Variants in ZDHHC4 observed in about 807,000 individuals in gnomAD.
ZDHHC4 encodes zDHHC palmitoyltransferase 4.
In ZDHHC4, 42 loss-of-function variants were observed where a neutral mutation model predicts 36.7. The ratio of observed to expected loss-of-function variants is 1.14; its 90% confidence interval spans 0.89 to 1.48. The LOEUF (loss-of-function observed/expected upper bound fraction) is 1.48. Ranked by LOEUF, ZDHHC4 falls within the 40% of genes most tolerant of loss-of-function variation. The pLI, the probability that ZDHHC4 is intolerant of heterozygous loss-of-function variation, is 0.00. For missense variants in ZDHHC4, 457 were observed against 421.5 expected (o/e 1.08, Z -0.74); for synonymous variants, 189 against 166.6 (o/e 1.13, Z -1.03).
intron 2 of ZDHHC4, 50 bp from the exon 3 acceptor site, chr7:6,580,505 G>C (rs779013608): frequency 3.3e-6 from 5 of 1,497,090 alleles, no homozygotes; most frequent in Non-Finnish European, 4.7e-6. Flanking sequence ...GTGTGCCATG[G>C]AAGAAACCTT....
chr7:6,583,479 G>T, intron 6 of ZDHHC4, 48 bp downstream of exon 6: 3 of 1,577,894 alleles, frequency 1.9e-6, no homozygotes, highest in Non-Finnish European at 2.6e-6. Context: ...CAGCACATGT[G>T]TGGGCTTCGT....
intron 7 of ZDHHC4, 31 bp from the exon 8 acceptor site, chr7:6,588,586 G>A (rs1214078630): frequency 1.1e-5 from 18 of 1,606,568 alleles, no homozygotes; most frequent in Admixed American, 1.7e-5. Flanking sequence ...CAGTCCAGCT[G>A]CCTAAAGCAC....
rs991769387 is a variant in ZDHHC4, at chr7:6,578,551, G to C, written c.-162-15G>C. The stretch of plus-strand genomic sequence containing the variant: ...TGTCGTCTTATGTGGGTGTTGAATT[G>C]ATCTGTCTCTGCAGCCAGATCCAGG... On this transcript the variant is annotated splice_polypyrimidine_tract_variant and intron_variant, in intron 1 of 7. Coordinates refer to ENST00000335965, the MANE Select transcript of ZDHHC4 (RefSeq NM_001134389.2). 1.3e-5 allele frequency: 2 copies of C among 152,198 alleles called. No homozygotes were observed. Among genetic ancestry groups the C allele is most frequent in the African/African-American group, 4.8e-5 (2 of 41,444 alleles). 9.4% of individuals were successfully genotyped at this position (152,198 alleles called of 1,614,324 possible).
intron 5 of ZDHHC4, 127 bp downstream of exon 5, chr7:6,582,378 T>G: frequency 2.1e-6 from 2 of 947,502 alleles, no homozygotes; most frequent in Non-Finnish European, 3.1e-6. Context: ...TTCATTACCT[T>G]TCAGTTTTGA....
chr7:6,582,011 A>G lies in ZDHHC4; in HGVS notation c.192-62A>G, dbSNP rs188753412. 5 of 1,533,906 alleles carry G rather than the reference A, an allele frequency of 3.3e-6. No individual in the cohort carries two copies. The African/African-American group carries it at 4.1e-5, about 13-fold the overall frequency. On this transcript the variant is annotated intron_variant, in intron 4 of 7. Transcript: ENST00000335965. Reference sequence around the variant, plus strand: ...TGGTTGGCCGTTGGTTACTTTCTTTAGTATCATACAATTTCTTCAAGAAGA... The same window carrying G: ...TGGTTGGCCGTTGGTTACTTTCTTTGGTATCATACAATTTCTTCAAGAAGA...
rs1318701722 is a variant in ZDHHC4 at position 6,583,399 on chromosome 7, A to G, written c.464A>G (p.Asp155Gly). ...AAGAACGTGAGGTGCTCTACTTGTG[A>G]TTTAAGGAAACCAGCTCGATCCAAG... is the stretch of plus-strand genomic sequence containing the variant. Reference protein sequence around the residue: ...FPKNVRCSTCDLRKPARSKHC... With the variant: ...FPKNVRCSTCGLRKPARSKHC... Residue 155 changes from aspartate to glycine, a missense_variant, in exon 6 of 8, where the codon GAT becomes GGT. Coordinates refer to ENST00000335965, the MANE Select transcript of ZDHHC4 (RefSeq NM_001134389.2). 3.1e-6 allele frequency: 5 copies of G among 1,613,666 alleles called. No individual in the cohort carries two copies. The highest frequency in any genetic ancestry group is 4.2e-6 in the Non-Finnish European group (5 of 1,179,674).
At chr7:6,581,042 G>T (rs939475936) in intron 3 of ZDHHC4, 2 of 274,642 alleles carry the variant, frequency 7.3e-6, no homozygotes, top group Non-Finnish European at 7.0e-6. Context: ...TCTTGCGGTG[G>T]TGCTTTGAGA....
rs578031634 is a variant in ZDHHC4, at chr7:6,583,507, C to T, written c.496+76C>T. 5 of 1,537,688 alleles carry T rather than the reference C, an allele frequency of 3.3e-6. No homozygotes were observed. In the African/African-American group the frequency reaches 5.6e-5, roughly 17 times the overall value. ...GGCTTCGTCTGTGAGGGAATGTTTCCTGAATCCGAAAGCAGAGCCAGTTCA... is the reference window on the plus strand; with the variant it reads ...GGCTTCGTCTGTGAGGGAATGTTTCTTGAATCCGAAAGCAGAGCCAGTTCA... On this transcript the variant is annotated intron_variant, in intron 6 of 7. Coordinates refer to ENST00000335965, the MANE Select transcript of ZDHHC4 (RefSeq NM_001134389.2).
chr7:6,581,809 A>G (rs1250922872), intron 4 of ZDHHC4, 129 bp downstream of exon 4: 2 of 834,992 alleles, frequency 2.4e-6, no homozygotes, highest in Non-Finnish European at 3.7e-6. Context: ...GGAAAGAATC[A>G]CGAGTCCTGA....
At chr7:6,585,549 A>T (rs1781182929) in intron 7 of ZDHHC4, among the ~76,000 whole-genome samples, 1 of 152,196 alleles carries the variant, frequency 6.6e-6, no homozygotes, top group South Asian at 2.1e-4. Context: ...TCATGCCTGT[A>T]ATCCTAGCAC....
In ZDHHC4 at chr7:6,585,055, G is replaced by A. The variant is rs762020440; in HGVS notation, c.536G>A (p.Cys179Tyr). 11 of 1,614,114 alleles carry A rather than the reference G, an allele frequency of 6.8e-6. No homozygotes were observed. The highest frequency in any genetic ancestry group is 5.0e-5 in the Admixed American group (3 of 59,992). Reference sequence around the variant, plus strand: ...TGTGTGCACCGTTTCGACCATCACTGTGTTTGGGTGAACAACTGCATCGGG... The same window carrying A: ...TGTGTGCACCGTTTCGACCATCACTATGTTTGGGTGAACAACTGCATCGGG... ...NWCVHRFDHH[C>Y]VWVNNCIGAW... Residue 179 changes from cysteine (C) to tyrosine (Y), a missense_variant, in exon 7 of 8, where the codon TGT becomes TAT. By Grantham distance (194) the Cys-to-Tyr change is radical. Transcript: ENST00000335965.
intron 7 of ZDHHC4, among the ~76,000 whole-genome samples, chr7:6,588,077 C>G (rs957915017): frequency 3.3e-5 from 5 of 152,116 alleles, no homozygotes; most frequent in African/African-American, 9.7e-5. Context: ...GTTGGCCAGG[C>G]TGGTGTCAAA....
chr7:6,579,722 A>G (rs1170958053), intron 2 of ZDHHC4, among the ~76,000 whole-genome samples: 2 of 152,186 alleles, frequency 1.3e-5, no homozygotes, highest in African/African-American at 4.8e-5. Context: ...TAAGGAAGTA[A>G]AAGAATGATT....
rs1780902226 is a variant in ZDHHC4 at position 6,582,205 on chromosome 7, A to G, written c.324A>G (p.Leu108=). Residue 108 remains leucine, a synonymous_variant, in exon 5 of 8, where the codon CTA becomes CTG. Coordinates refer to ENST00000335965, the MANE Select transcript of ZDHHC4 (RefSeq NM_001134389.2). ...ACCTTCTTCTGCCCTATCTGCTGCTAGGTGTAAACCTGTTTTTTTTCACCC... is the reference window on the plus strand; with the variant it reads ...ACCTTCTTCTGCCCTATCTGCTGCTGGGTGTAAACCTGTTTTTTTTCACCC... The part of the protein sequence containing the change: ...LHYLLLPYLL[L]GVNLFFFTLT... The G allele has an allele frequency of 6.2e-7, 1 of 1,614,158 alleles. No individual in the cohort carries two copies.
Position 6,583,571 on chromosome 7 carries a change from A to T in ZDHHC4, c.496+140A>T, listed in dbSNP as rs1319037882. 8 of 1,191,798 alleles carry T rather than the reference A, an allele frequency of 6.7e-6. No individual in the cohort carries two copies. The South Asian group carries it at 1.2e-4, about 18-fold the overall frequency. The allele number at this position is 1,191,798 out of a possible 1,614,324, so 73.8% of individuals were successfully genotyped here. On this transcript the variant is annotated intron_variant, in intron 6 of 7. Transcript: ENST00000335965. ...TGTGGCCACTACTTGTAGAGTTGAG[A>T]TAATGGTTTCTTTCAGATGAGTGAG...
Position 6,588,717 on chromosome 7 carries a change from C to T in ZDHHC4, c.842C>T (p.Ala281Val), listed in dbSNP as rs542200111. 1.4e-5 allele frequency: 22 copies of T among 1,614,184 alleles called. No individual in the cohort carries two copies. Among genetic ancestry groups the T allele is most frequent in the Middle Eastern group, 3.3e-4 (2 of 6,062 alleles). ...GGYLLFVLYL[A>V]ATNQTTNEWY... ...TACCTGTTGTTTGTCCTGTATCTGG[C>T]GGCCACCAACCAGACTACTAACGAG... Residue 281 changes from alanine (A) to valine (V), a missense_variant, in exon 8 of 8, where the codon GCG becomes GTG. By Grantham distance (64) the Ala-to-Val change is moderately conservative. Coordinates refer to ENST00000335965, the MANE Select transcript of ZDHHC4 (RefSeq NM_001134389.2).
In ZDHHC4 at chr7:6,579,170, A is replaced by T. The variant is rs545288022; in HGVS notation, c.-8+450A>T. Among the ~76,000 whole-genome samples, 3 of 143,758 alleles carry T rather than the reference A, an allele frequency of 2.1e-5. No individual in the cohort carries two copies. The South Asian group carries it at 6.6e-4, about 32-fold the overall frequency. 94.3% of individuals were successfully genotyped at this position (143,758 alleles called of 152,430 possible). On this transcript the variant is annotated intron_variant, in intron 2 of 7. Transcript: ENST00000335965. The stretch of plus-strand genomic sequence containing the variant: ...TTCTTTTTTTTTCTTAAACCGCTAC[A>T]CTATGGAAAAGAGTTCCAGTATCCA...
chr7:6,589,008 C>G lies in ZDHHC4; in HGVS notation c.*98C>G. 1 of 1,454,520 alleles carries G rather than the reference C, an allele frequency of 6.9e-7. No individual in the cohort carries two copies. The highest frequency in any genetic ancestry group is 9.3e-7 in the Non-Finnish European group (1 of 1,072,078). The allele number at this position is 1,454,520 out of a possible 1,614,324, so 90.1% of individuals were successfully genotyped here. A position where few individuals can be genotyped will look rare whatever the true frequency, so the allele number is the denominator to read the frequency against. On this transcript the variant is annotated 3_prime_UTR_variant, in exon 8 of 8. Coordinates refer to ENST00000335965, the MANE Select transcript of ZDHHC4 (RefSeq NM_001134389.2). ...CTTGTTTGTTTTGATTTCTGCTGTGCTTATAAATCACTTTCGGTGGGCAAG... is the reference window on the plus strand; with the variant it reads ...CTTGTTTGTTTTGATTTCTGCTGTGGTTATAAATCACTTTCGGTGGGCAAG...
At chr7:6,579,033 A>G (rs189306306) in intron 2 of ZDHHC4, among the ~76,000 whole-genome samples, 75 of 152,148 alleles carry the variant, frequency 4.9e-4, no homozygotes, top group Middle Eastern at 6.8e-3. Flanking sequence ...TTTGTTGCCC[A>G]GGCTGGTCTT....
Sources: allele counts gnomAD v4.1 joint callset (sites outside exome capture counted in the v4.1 genomes callset), GRCh38; gene constraint gnomAD v4.1.1; transcripts MANE v1.5; gene names NCBI Gene and HGNC (gene_info 2026-07-23, HGNC 2026-07-21).